The following SLA2 variants were observed in gnomAD, a reference collection of about 807,000 sequenced individuals.
SLA2 encodes Src like adaptor 2.
A neutral mutation model predicts 27.3 loss-of-function variants in SLA2; 22 were observed. The ratio of observed to expected loss-of-function variants is 0.81; its 90% CI spans 0.58 to 1.15. The LOEUF (loss-of-function observed/expected upper bound fraction) is 1.15. Ranked by LOEUF, SLA2 falls within the 50% of genes most tolerant of loss-of-function variation. SLA2 has a pLI of 0.00. For missense variants in SLA2, 304 were observed against 322.2 expected (o/e 0.94, Z 0.43); for synonymous variants, 131 against 137.8 (o/e 0.95, Z 0.34).
chr20:36,618,939 C>G (rs1302743371), intron 5 of SLA2, among the ~76,000 whole-genome samples: 2 of 128,386 alleles, frequency 1.6e-5, no homozygotes, highest in Admixed American at 8.3e-5. Context: ...AAAAAAGTAT[C>G]TAGAAGCCAG....
chr20:36,614,175 C>A, intron 7 of SLA2, 130 bp downstream of exon 7: 1 of 1,517,954 alleles, frequency 6.6e-7, no homozygotes, highest in Non-Finnish European at 9.1e-7. Context: ...GGAGTTGAGT[C>A]AGTGCACTCT....
At chr20:36,631,892 T>C (rs1384760967) in intron 5 of SLA2, among the ~76,000 whole-genome samples, 1 of 152,210 alleles carries the variant, frequency 6.6e-6, no homozygotes, top group African/African-American at 2.4e-5. Flanking sequence ...GAAACACTCC[T>C]GTGTCAGAAA....
chr20:36,640,585 C>T (rs892108849), intron 2 of SLA2, among the ~76,000 whole-genome samples: 13 of 149,480 alleles, frequency 8.7e-5, no homozygotes, highest in Non-Finnish European at 1.6e-4. Context: ...GGCATGATCT[C>T]GGCTCACTGC....
At chr20:36,625,908 T>C (rs2039332449) in intron 5 of SLA2, among the ~76,000 whole-genome samples, 1 of 149,808 alleles carries the variant, frequency 6.7e-6, no homozygotes, top group African/African-American at 2.5e-5. Context: ...GCAGATCACC[T>C]GAGGTCAGAA....
intron 5 of SLA2, among the ~76,000 whole-genome samples, chr20:36,616,624 C>T (rs370367352): frequency 1.4e-4 from 21 of 152,248 alleles, no homozygotes; most frequent in South Asian, 8.3e-4. Flanking sequence ...TGAGCCACCG[C>T]GCCCAGCCAG....
chr20:36,645,563 C>T (rs1264194872), intron 1 of SLA2, among the ~76,000 whole-genome samples: 3 of 152,154 alleles, frequency 2.0e-5, no homozygotes, highest in Non-Finnish European at 2.9e-5. Context: ...ACAGCAAGTG[C>T]GCACCTGAGA....
At chr20:36,638,934 C>T (rs2039479499) in intron 2 of SLA2, among the ~76,000 whole-genome samples, 1 of 151,474 alleles carries the variant, frequency 6.6e-6, no homozygotes, top group Admixed American at 6.6e-5. Context: ...GCAACCTCTA[C>T]CTCCCAGGTT....
intron 5 of SLA2, among the ~76,000 whole-genome samples, chr20:36,629,977 C>T (rs752951254): frequency 7.9e-5 from 12 of 151,960 alleles, no homozygotes; most frequent in Non-Finnish European, 8.8e-5. Context: ...TCTCTTCTCA[C>T]TCACAGAGTT....
chr20:36,634,460 T>C, intron 3 of SLA2, 30 bp downstream of exon 3: 2 of 1,498,748 alleles, frequency 1.3e-6, no homozygotes, highest in Non-Finnish European at 1.8e-6. Context: ...TATTAGTGCA[T>C]ATTCAGGTAT....
chr20:36,629,430 G>C (rs1286055329), intron 5 of SLA2, among the ~76,000 whole-genome samples: 1 of 147,618 alleles, frequency 6.8e-6, no homozygotes, highest in Non-Finnish European at 1.5e-5. Flanking sequence ...TCAGGAGTTT[G>C]AGACCAGCCT....
chr20:36,626,417 C>T (rs944879305), intron 5 of SLA2, among the ~76,000 whole-genome samples: 2 of 150,476 alleles, frequency 1.3e-5, no homozygotes, highest in South Asian at 4.2e-4. Context: ...CACAAAAATT[C>T]GCAGGGCGTG....
chr20:36,617,533 CAAAAAAAAAA>C (rs1159077334), intron 5 of SLA2, among the ~76,000 whole-genome samples: 3 of 56,806 alleles, frequency 5.3e-5, no homozygotes, highest in African/African-American at 1.8e-4. Flanking sequence ...GACCCTGTCT[CAAAAAAAAAA>C]AAAAAAAAAA....
intron 2 of SLA2, among the ~76,000 whole-genome samples, chr20:36,638,406 G>A (rs1281831722): frequency 2.0e-5 from 3 of 152,020 alleles, no homozygotes; most frequent in Non-Finnish European, 4.4e-5. Context: ...TTGGCTCACT[G>A]CAACCTCCAC....
At chr20:36,640,839 A>G (rs1416509304) in intron 2 of SLA2, among the ~76,000 whole-genome samples, 1 of 152,162 alleles carries the variant, frequency 6.6e-6, no homozygotes, top group Non-Finnish European at 1.5e-5. Flanking sequence ...GTTAAATTTA[A>G]GCAGTTACGT....
At position 36,617,402 on chromosome 20, in the gene SLA2, C is replaced by T. The variant is rs187420071; in HGVS notation, c.383-2028G>A. On this transcript the variant is annotated intron_variant, in intron 5 of 7. Coordinates refer to ENST00000262866, the MANE Select transcript of SLA2 (RefSeq NM_032214.4). ...AAATAAACAAGGCTGGGCAGAGTGG[C>T]TCATGCCTGTAGTCCCAGCTACTCT... Among the ~76,000 whole-genome samples the T allele has an allele frequency of 9.1e-4, 138 of 151,602 alleles. 1 individual carries two copies. The highest frequency in any genetic ancestry group is 3.3e-3 in the African/African-American group (135 of 41,348).
At chr20:36,633,877 G>A (rs62206143) in intron 3 of SLA2, among the ~76,000 whole-genome samples, 2,592 of 151,568 alleles carry the variant, frequency 0.017, 31 homozygotes, top group Non-Finnish European at 0.028. Context: ...CTGTGGGGGT[G>A]TCCAGCCGCC....
intron 2 of SLA2, among the ~76,000 whole-genome samples, chr20:36,636,003 G>C (rs2039440792): frequency 6.6e-6 from 1 of 152,156 alleles, no homozygotes; most frequent in African/African-American, 2.4e-5. Context: ...GTTCTAGTTG[G>C]TTACGGGTTT....
intron 5 of SLA2, among the ~76,000 whole-genome samples, chr20:36,631,896 T>A (rs1555792802): frequency 6.6e-6 from 1 of 152,176 alleles, no homozygotes; most frequent in Non-Finnish European, 1.5e-5. Flanking sequence ...CACTCCTGTG[T>A]CAGAAACACT....
chr20:36,634,808 A>G (rs1308991982), intron 2 of SLA2, among the ~76,000 whole-genome samples: 1 of 150,718 alleles, frequency 6.6e-6, no homozygotes, highest in East Asian at 1.9e-4. Context: ...AGAGAGAGAG[A>G]AAGAAAGAAA....
Sources: allele counts gnomAD v4.1 joint callset (sites outside exome capture counted in the v4.1 genomes callset), GRCh38; gene constraint gnomAD v4.1.1; transcripts MANE v1.5; gene names NCBI Gene and HGNC (gene_info 2026-07-23, HGNC 2026-07-21).